Variants in ISM1 observed in about 807,000 individuals in gnomAD.
ISM1 encodes the protein isthmin 1, also known as isthmin-1.
ISM1 carries 25 observed loss-of-function variants against 46.3 expected under a neutral mutation model. The observed-to-expected ratio is 0.54, with a 90% CI of 0.39 to 0.75. The LOEUF is 0.75. ISM1 is among the 30% of genes least tolerant of loss of function. The probability of loss-of-function intolerance (pLI) is 0.00; values close to 1 mark genes in which losing one functional copy is unlikely to be tolerated. For synonymous variants in ISM1, 255 were observed against 256.7 expected (o/e 0.99, Z 0.06); for missense variants, 536 against 625.4 (o/e 0.86, Z 1.52).
chr20:13,303,261 T>C (rs1333448186), downstream of ISM1, among the ~76,000 whole-genome samples: 4 of 152,220 alleles, frequency 2.6e-5, no homozygotes, highest in Non-Finnish European at 5.9e-5. Context: ...GCTGGATCCA[T>C]GCTTTTCTGT....
chr20:13,320,743 A>T, the ISM1 span, among the ~76,000 whole-genome samples: 1 of 152,152 alleles, frequency 6.6e-6, no homozygotes, highest in Non-Finnish European at 1.5e-5. Context: ...ATGGTCTAAG[A>T]TGACTGTCCA....
In ISM1 at chr20:13,239,490, T is replaced by C. The variant is rs549461070; in HGVS notation, c.138+17576T>C. ...AAGGTGAATGCTAGTGGGGGAATTA[T>C]TGTGGTGTGCCCCAAGAACGTTCTG... On this transcript the variant is annotated intron_variant, in intron 1 of 5. Coordinates refer to ENST00000262487, the MANE Select transcript of ISM1 (RefSeq NM_080826.2). 9.2e-5 allele frequency: 14 copies of C among 152,356 alleles called. No homozygotes were observed. The East Asian group carries it at 2.7e-3, about 29-fold the overall frequency. The allele number at this position is 152,356 out of a possible 1,614,324, so 9.4% of individuals were successfully genotyped here.
chr20:13,269,906 T>C (rs1273026843), intron 1 of ISM1, among the ~76,000 whole-genome samples: 2 of 152,088 alleles, frequency 1.3e-5, no homozygotes, highest in African/African-American at 4.8e-5. Flanking sequence ...TGGCATTTGA[T>C]GATTGGATGG....
chr20:13,244,586 C>A (rs1309494389), intron 1 of ISM1, among the ~76,000 whole-genome samples: 1 of 152,174 alleles, frequency 6.6e-6, no homozygotes, highest in Non-Finnish European at 1.5e-5. Context: ...ACTTATTTAG[C>A]ATGAAGGCTT....
chr20:13,233,595 CAAA>C (rs1183584907), intron 1 of ISM1, among the ~76,000 whole-genome samples: 8 of 63,720 alleles, frequency 1.3e-4, no homozygotes, highest in Admixed American at 1.8e-4. Flanking sequence ...AACTCCATCT[CAAA>C]AAAAAAAAAA....
At chr20:13,312,095 A>G in the ISM1 span, among the ~76,000 whole-genome samples, 1 of 152,230 alleles carries the variant, frequency 6.6e-6, no homozygotes, top group Non-Finnish European at 1.5e-5. Flanking sequence ...ACATATATAT[A>G]TCTTAAAGTG....
downstream of ISM1, among the ~76,000 whole-genome samples, chr20:13,301,117 C>A (rs2040454770): frequency 6.6e-6 from 1 of 152,156 alleles, no homozygotes; most frequent in Non-Finnish European, 1.5e-5. Flanking sequence ...TTCCCGGTAC[C>A]TTTGGCATTC....
At chr20:13,261,482 G>A (rs753126195) in intron 1 of ISM1, among the ~76,000 whole-genome samples, 10 of 151,988 alleles carry the variant, frequency 6.6e-5, no homozygotes, top group East Asian at 1.9e-4. Context: ...TACCTGAGGC[G>A]TGGATCTTTA....
chr20:13,221,944 C>CGG, intron 1 of ISM1, 30 bp downstream of exon 1: 2 of 1,311,544 alleles, frequency 1.5e-6, no homozygotes, highest in Non-Finnish European at 1.9e-6. Context: ...GGGCCGTGCG[C>CGG]GGCTGCGGGG....
rs1312096765 is a variant in ISM1, at chr20:13,279,850, A to G, written c.595A>G (p.Thr199Ala). The change falls in exon 3 of 6, where the codon ACA (threonine) becomes GCA (alanine). Residue 199 changes from threonine to alanine, a missense_variant. This residue lies in a region of ISM1 where 367 missense variants were observed against 376.1 expected (regional missense o/e 0.98). Coordinates refer to ENST00000262487, the MANE Select transcript of ISM1 (RefSeq NM_080826.2). ...CAACCCCCCCAGGGGGTGGGACCAT[A>G]CAGCCCCAGGCCACCGGACTTTTGA... is the stretch of plus-strand genomic sequence containing the variant. Reference protein sequence around the residue: ...FLNPPRGWDHTAPGHRTFETK... With the variant: ...FLNPPRGWDHAAPGHRTFETK... 1 of 1,613,934 alleles carries G rather than the reference A, an allele frequency of 6.2e-7. No individual in the cohort carries two copies.
the ISM1 span, among the ~76,000 whole-genome samples, chr20:13,311,734 A>C: frequency 6.6e-6 from 1 of 152,234 alleles, no homozygotes; most frequent in Non-Finnish European, 1.5e-5. Context: ...ATCTAAAAAA[A>C]TCAAACTCAT....
chr20:13,315,764 T>G, the ISM1 span, among the ~76,000 whole-genome samples: 5 of 151,952 alleles, frequency 3.3e-5, no homozygotes, highest in Middle Eastern at 3.4e-3. Context: ...AAATACACCT[T>G]AAAAAATATA....
intron 1 of ISM1, among the ~76,000 whole-genome samples, chr20:13,242,950 G>A (rs970598414): frequency 7.9e-5 from 12 of 152,102 alleles, no homozygotes; most frequent in South Asian, 6.2e-4. Context: ...TTATTTAACC[G>A]TCAAAACAAC....
At chr20:13,257,434 T>G (rs1462166075) in intron 1 of ISM1, among the ~76,000 whole-genome samples, 2 of 152,158 alleles carry the variant, frequency 1.3e-5, no homozygotes, top group Non-Finnish European at 2.9e-5. Context: ...GGAGAATCAC[T>G]TGAACCTGGG....
chr20:13,317,853 T>C, the ISM1 span, among the ~76,000 whole-genome samples: 2 of 152,134 alleles, frequency 1.3e-5, no homozygotes, highest in African/African-American at 4.8e-5. Flanking sequence ...GAAGATAACA[T>C]AGGAGAAAAT....
the ISM1 span, among the ~76,000 whole-genome samples, chr20:13,317,234 C>A: frequency 6.6e-6 from 1 of 150,728 alleles, no homozygotes; most frequent in Non-Finnish European, 1.5e-5. Context: ...AAAATACATA[C>A]AAGATCTACA....
chr20:13,270,895 G>A (rs2040107243), intron 2 of ISM1, among the ~76,000 whole-genome samples, 152 bp downstream of exon 2: 1 of 152,130 alleles, frequency 6.6e-6, no homozygotes, highest in South Asian at 2.1e-4. Context: ...TAAGAACAGT[G>A]CTGCATTTCA....
intron 1 of ISM1, among the ~76,000 whole-genome samples, chr20:13,259,577 G>A (rs1314623838): frequency 6.6e-6 from 1 of 152,168 alleles, no homozygotes; most frequent in Non-Finnish European, 1.5e-5. Flanking sequence ...AGAAACAGAT[G>A]TTTATAAAGT....
intron 5 of ISM1, 65 bp from the exon 6 acceptor site, chr20:13,298,877 C>T: frequency 2.6e-6 from 4 of 1,544,130 alleles, no homozygotes; most frequent in Non-Finnish European, 3.5e-6. Flanking sequence ...TCACATGCTC[C>T]TTGAAGCACC....
Sources: gnomAD v4.1 joint callset for allele counts (sites outside exome capture counted in the v4.1 genomes callset) on GRCh38, gnomAD v4.1.1 for gene constraint, gnomAD v4.1.1 regional missense constraint, MANE v1.5 for transcripts, NCBI Gene and HGNC (gene_info 2026-07-23, HGNC 2026-07-21) for gene names.